Variants in ULK4 observed in about 807,000 individuals in gnomAD.
ULK4 encodes the protein unc-51 like kinase 4.
Under a neutral mutation model 160.6 loss-of-function variants are expected in ULK4, and 133 were observed. The ratio of observed to expected loss-of-function variants is 0.83; its 90% CI spans 0.72 to 0.96. The LOEUF (loss-of-function observed/expected upper bound fraction) is 0.96, where lower values mean the gene tolerates loss of function less well. Ranked by LOEUF, ULK4 falls within the 40% of genes least tolerant of loss-of-function variation. The probability of loss-of-function intolerance (pLI) is 0.00; values close to 1 mark genes in which losing one functional copy is unlikely to be tolerated. For synonymous variants in ULK4, 534 were observed against 539.8 expected, an observed-to-expected ratio of 0.99 and a Z score of 0.15; for missense variants, 1,580 against 1,499.5, an observed-to-expected ratio of 1.05 and a Z score of -0.89.
At chr3:41,959,028 G>C (rs554730720) in intron 1 of ULK4, among the ~76,000 whole-genome samples, 11 of 152,214 alleles carry the variant, frequency 7.2e-5, no homozygotes, top group Non-Finnish European at 1.5e-4. Context: ...AGGAGTTCAA[G>C]ACCAGCCTGG....
At chr3:41,863,985 A>G (rs1031418464) in intron 17 of ULK4, among the ~76,000 whole-genome samples, 2 of 151,902 alleles carry the variant, frequency 1.3e-5, no homozygotes, top group Non-Finnish European at 2.9e-5. Context: ...CCCTCAGTCC[A>G]CTGTCTCTGG....
chr3:41,616,534 C>G (rs774620789), intron 30 of ULK4, among the ~76,000 whole-genome samples: 17 of 152,164 alleles, frequency 1.1e-4, no homozygotes, highest in Non-Finnish European at 2.4e-4. Context: ...CAGGGAAGTG[C>G]AAGGGGCTGG....
intron 32 of ULK4, among the ~76,000 whole-genome samples, chr3:41,519,204 G>T (rs781548410): frequency 2.0e-5 from 3 of 152,154 alleles, no homozygotes; most frequent in Non-Finnish European, 4.4e-5. Context: ...CAAAGTGGCT[G>T]CCCTAGAACT....
At chr3:41,463,004 G>C (rs1303795140) in intron 33 of ULK4, 83 bp downstream of exon 33, 32 of 1,466,324 alleles carry the variant, frequency 2.2e-5, no homozygotes, top group East Asian at 6.9e-5. Context: ...AGACACAATA[G>C]AGGAAGATAA....
At chr3:41,547,911 C>T (rs907112830) in intron 32 of ULK4, among the ~76,000 whole-genome samples, 3 of 152,210 alleles carry the variant, frequency 2.0e-5, no homozygotes, top group Non-Finnish European at 2.9e-5. Context: ...GGAGCCAAAA[C>T]ATGCACTCCT....
intron 34 of ULK4, among the ~76,000 whole-genome samples, chr3:41,401,302 T>C (rs1379779599): frequency 1.3e-5 from 2 of 152,186 alleles, no homozygotes; most frequent in African/African-American, 4.8e-5. Flanking sequence ...TTTTGGGTTT[T>C]TATATAAAAT....
chr3:41,931,058 A>G (rs1174318003), intron 5 of ULK4, among the ~76,000 whole-genome samples: 1 of 152,232 alleles, frequency 6.6e-6, no homozygotes, highest in Non-Finnish European at 1.5e-5. Flanking sequence ...ACTATTCACA[A>G]TAGCAAAGAT....
chr3:41,911,193 G>C (rs1349613124), intron 11 of ULK4, 124 bp downstream of exon 11: 4 of 872,566 alleles, frequency 4.6e-6, no homozygotes, highest in Non-Finnish European at 7.1e-6. Flanking sequence ...GAGTGAAACT[G>C]GCATTTGGCA....
At chr3:41,825,890 T>A (rs1291563195) in intron 18 of ULK4, among the ~76,000 whole-genome samples, 6 of 152,054 alleles carry the variant, frequency 3.9e-5, no homozygotes, top group Non-Finnish European at 8.8e-5. Context: ...AAGAACAAAA[T>A]GTTAAGGGCA....
chr3:41,375,039 A>T (rs1435171242), intron 35 of ULK4, among the ~76,000 whole-genome samples: 2 of 152,146 alleles, frequency 1.3e-5, no homozygotes, highest in Non-Finnish European at 2.9e-5. Flanking sequence ...CACAACTGCT[A>T]CAAAGAGAAT....
At chr3:41,318,220 G>A (rs187155271) in intron 35 of ULK4, among the ~76,000 whole-genome samples, 1 of 152,026 alleles carries the variant, frequency 6.6e-6, no homozygotes, top group East Asian at 1.9e-4. Context: ...GTAATAGATG[G>A]CATTTTCTCT....
intron 30 of ULK4, among the ~76,000 whole-genome samples, chr3:41,619,193 C>A (rs952874206): frequency 3.3e-5 from 5 of 151,932 alleles, no homozygotes; most frequent in Non-Finnish European, 5.9e-5. Context: ...GACTTTAACA[C>A]CCCACTGTCA....
intron 34 of ULK4, among the ~76,000 whole-genome samples, chr3:41,409,738 C>G (rs1249495658): frequency 6.6e-6 from 1 of 152,072 alleles, no homozygotes; most frequent in African/African-American, 2.4e-5. Flanking sequence ...CACCTGAGGT[C>G]AGGAGTTTGA....
At chr3:41,304,269 C>T (rs1456143083) in intron 35 of ULK4, among the ~76,000 whole-genome samples, 3 of 64,718 alleles carry the variant, frequency 4.6e-5, no homozygotes, top group South Asian at 4.7e-4. Context: ...GCAAAGCTCC[C>T]CCTCAAAAAA....
chr3:41,529,039 T>C (rs992406470), intron 32 of ULK4, among the ~76,000 whole-genome samples: 2 of 152,208 alleles, frequency 1.3e-5, no homozygotes, highest in Non-Finnish European at 1.5e-5. Context: ...TATCTTTAAG[T>C]ATTAGCTTAG....
intron 35 of ULK4, among the ~76,000 whole-genome samples, chr3:41,379,615 C>G (rs963595835): frequency 6.6e-6 from 1 of 152,166 alleles, no homozygotes; most frequent in Non-Finnish European, 1.5e-5. Context: ...CTATGACATA[C>G]GTTTGGGGCA....
chr3:41,666,886 G>A (rs566129826), intron 29 of ULK4, among the ~76,000 whole-genome samples: 1 of 152,268 alleles, frequency 6.6e-6, no homozygotes, highest in East Asian at 1.9e-4. Context: ...GCTCACACCT[G>A]TAATCCCAGC....
intron 25 of ULK4, among the ~76,000 whole-genome samples, 169 bp from the exon 26 acceptor site, chr3:41,705,474 AATATAC>A (rs1480754865): frequency 2.6e-5 from 4 of 152,102 alleles, no homozygotes; most frequent in Admixed American, 1.3e-4. Context: ...TATATTAAAT[AATATAC>A]ATAAAGTCTA....
intron 21 of ULK4, among the ~76,000 whole-genome samples, chr3:41,771,952 G>A (rs1403355610): frequency 2.0e-5 from 3 of 152,100 alleles, no homozygotes; most frequent in Non-Finnish European, 2.9e-5. Flanking sequence ...GGAAGCCTCT[G>A]TCCTGCCTCT....
Sources: allele counts gnomAD v4.1 joint callset (sites outside exome capture counted in the v4.1 genomes callset), GRCh38; gene constraint gnomAD v4.1.1; transcripts MANE v1.5; gene names NCBI Gene and HGNC (gene_info 2026-07-23, HGNC 2026-07-21).